UQCC1: variants seen among roughly 807,000 people sequenced by gnomAD.
UQCC1 encodes bFGF-repressed Zic-binding protein.
In UQCC1, 38 loss-of-function variants were observed where a neutral mutation model predicts 48.0. The observed-to-expected ratio is 0.79, with a 90% CI of 0.61 to 1.04. The LOEUF (loss-of-function observed/expected upper bound fraction) is 1.04. Ranked by LOEUF, UQCC1 falls within the 50% of genes least tolerant of loss-of-function variation. The pLI is 0.00. For synonymous variants in UQCC1, 111 were observed against 129.2 expected, an observed-to-expected ratio of 0.86 and a Z score of 0.95; for missense variants, 368 against 381.8, an observed-to-expected ratio of 0.96 and a Z score of 0.30.
chr20:35,356,384 T>G (rs1319492879), intron 6 of UQCC1, among the ~76,000 whole-genome samples: 1 of 152,202 alleles, frequency 6.6e-6, no homozygotes, highest in Non-Finnish European at 1.5e-5. Flanking sequence ...TGACGCTGAA[T>G]TCAACCAGTT....
chr20:35,380,774 T>C (rs1568695089), intron 4 of UQCC1, among the ~76,000 whole-genome samples: 1 of 152,150 alleles, frequency 6.6e-6, no homozygotes, highest in Non-Finnish European at 1.5e-5. Context: ...AGAGAAATGG[T>C]ATTACAGGTT....
At chr20:35,340,497 T>C (rs2061365089) in intron 7 of UQCC1, among the ~76,000 whole-genome samples, 1 of 152,222 alleles carries the variant, frequency 6.6e-6, no homozygotes, top group East Asian at 1.9e-4. Flanking sequence ...GACTGTCCTT[T>C]AGTTACACTC....
intron 7 of UQCC1, among the ~76,000 whole-genome samples, chr20:35,337,723 G>A (rs1355853783): frequency 6.6e-6 from 1 of 152,198 alleles, no homozygotes; most frequent in Non-Finnish European, 1.5e-5. Flanking sequence ...TGGAGGCTGA[G>A]TATGAAGTAC....
At chr20:35,310,488 C>CA (rs564163552) in intron 8 of UQCC1, among the ~76,000 whole-genome samples, 12 of 150,670 alleles carry the variant, frequency 8.0e-5, no homozygotes, top group South Asian at 2.1e-4. Flanking sequence ...ACGAAAAATA[C>CA]AAAAAAAATT....
At chr20:35,308,410 C>T (rs1325622350) in intron 8 of UQCC1, among the ~76,000 whole-genome samples, 1 of 152,290 alleles carries the variant, frequency 6.6e-6, no homozygotes, top group Admixed American at 6.5e-5. Flanking sequence ...CAGAGCGCTG[C>T]TGGCAGCAAC....
chr20:35,339,881 CTCTA>C (rs2061358705), intron 7 of UQCC1, among the ~76,000 whole-genome samples: 1 of 151,622 alleles, frequency 6.6e-6, no homozygotes, highest in South Asian at 2.1e-4. Context: ...ATTTGTTTAT[CTCTA>C]TCCATACATC....
chr20:35,406,601 G>C (rs1453309444), intron 1 of UQCC1, among the ~76,000 whole-genome samples: 2 of 152,164 alleles, frequency 1.3e-5, no homozygotes, highest in Admixed American at 6.5e-5. Context: ...GAATAAGGCA[G>C]ACCTTCAGGT....
At chr20:35,334,784 G>A (rs554711828) in intron 7 of UQCC1, among the ~76,000 whole-genome samples, 1 of 152,182 alleles carries the variant, frequency 6.6e-6, no homozygotes, top group Non-Finnish European at 1.5e-5. Context: ...ATCAGACAGA[G>A]AGTGATGAAC....
At chr20:35,387,480 G>A (rs992358419) in intron 2 of UQCC1, among the ~76,000 whole-genome samples, 3 of 151,264 alleles carry the variant, frequency 2.0e-5, no homozygotes, top group African/African-American at 7.3e-5. Flanking sequence ...CACCATTCTG[G>A]GCATGAAGTC....
chr20:35,395,016 A>G (rs568808526), intron 1 of UQCC1, among the ~76,000 whole-genome samples: 7 of 152,344 alleles, frequency 4.6e-5, no homozygotes, highest in Admixed American at 1.3e-4. Flanking sequence ...CCTCAGGAAC[A>G]GCCAAATGGA....
In UQCC1 at chr20:35,335,679, G is replaced by A. The variant is rs373451010; in HGVS notation, c.573+11485C>T. Among the ~76,000 whole-genome samples, 56 of 152,266 alleles carry A rather than the reference G, an allele frequency of 3.7e-4. 1 individual carries two copies. The highest frequency in any genetic ancestry group is 2.9e-3 in the East Asian group (15 of 5,174). On this transcript the variant is annotated intron_variant, in intron 7 of 9. Coordinates refer to ENST00000374385, the MANE Select transcript of UQCC1 (RefSeq NM_018244.5). Reference sequence around the variant, plus strand: ...TCCAGGGGCTAGGGGTAAGGGGAACGGGTGTGACTGCTAATGGGCACAGGA... The same window carrying A: ...TCCAGGGGCTAGGGGTAAGGGGAACAGGTGTGACTGCTAATGGGCACAGGA...
chr20:35,378,729 C>T (rs982760190), intron 4 of UQCC1, among the ~76,000 whole-genome samples: 3 of 152,196 alleles, frequency 2.0e-5, no homozygotes, highest in Non-Finnish European at 4.4e-5. Context: ...CACAGTCAAC[C>T]ATCTGGGCCT....
chr20:35,302,637 A>G lies in UQCC1; in HGVS notation c.*1298T>C, dbSNP rs2060883782. On this transcript the variant is annotated 3_prime_UTR_variant, in exon 10 of 10. Coordinates refer to ENST00000374385, the MANE Select transcript of UQCC1 (RefSeq NM_018244.5). ...GGTATACTTCACTCCATTAAAAATA[A>G]ATTAATCAGCAAATTCCTGCCTGGC... The G allele has an allele frequency of 6.6e-6, 1 of 152,248 alleles. No individual in the cohort carries two copies. Among genetic ancestry groups the G allele is most frequent in the South Asian group, 2.1e-4 (1 of 4,830 alleles). 9.4% of individuals were successfully genotyped at this position (152,248 alleles called of 1,614,324 possible). A position where few individuals can be genotyped will look rare whatever the true frequency, so the allele number is the denominator to read the frequency against.
chr20:35,408,611 G>C (rs1350798689), intron 1 of UQCC1, among the ~76,000 whole-genome samples: 2 of 151,916 alleles, frequency 1.3e-5, no homozygotes, highest in Admixed American at 6.6e-5. Flanking sequence ...CCAGCACTTT[G>C]GGAGACCGAG....
chr20:35,377,778 C>T (rs1213875906), intron 4 of UQCC1, among the ~76,000 whole-genome samples: 2 of 152,180 alleles, frequency 1.3e-5, no homozygotes, highest in African/African-American at 4.8e-5. Flanking sequence ...AGGCCCAAGG[C>T]CCAAGTCTTT....
chr20:35,394,028 A>G lies in UQCC1; in HGVS notation c.129+64T>C. On this transcript the variant is annotated intron_variant, in intron 2 of 9. Coordinates refer to ENST00000374385, the MANE Select transcript of UQCC1 (RefSeq NM_018244.5). ...CACAATTTGGTTGGCTAATCTATAA[A>G]TACATGACATTTGCACATAAACACT... is the stretch of plus-strand genomic sequence containing the variant. 2.7e-6 allele frequency: 4 copies of G among 1,497,124 alleles called. No individual in the cohort carries two copies. The Admixed American group carries it at 6.7e-5, about 25-fold the overall frequency. The allele number at this position is 1,497,124 out of a possible 1,614,324, so 92.7% of individuals were successfully genotyped here.
intron 2 of UQCC1, among the ~76,000 whole-genome samples, chr20:35,387,765 G>A (rs961778850): frequency 4.6e-5 from 7 of 151,394 alleles, no homozygotes; most frequent in African/African-American, 1.7e-4. Flanking sequence ...CAAAGGGAGA[G>A]GTTGCAATTT....
intron 2 of UQCC1, among the ~76,000 whole-genome samples, chr20:35,387,792 G>A (rs1156955573): frequency 2.5e-5 from 3 of 119,336 alleles, no homozygotes; most frequent in African/African-American, 8.0e-5. Flanking sequence ...GGTAATTTTA[G>A]GACAACTTTT....
chr20:35,326,870 A>T (rs1174624466), intron 7 of UQCC1, among the ~76,000 whole-genome samples: 1 of 152,222 alleles, frequency 6.6e-6, no homozygotes, highest in Non-Finnish European at 1.5e-5. Context: ...TGTCAACTGC[A>T]CAGACACAAA....
Sources: allele counts gnomAD v4.1 joint callset (sites outside exome capture counted in the v4.1 genomes callset), GRCh38; gene constraint gnomAD v4.1.1; transcripts MANE v1.5; gene names NCBI Gene and HGNC (gene_info 2026-07-23, HGNC 2026-07-21).